Variants in TNNI3K observed in about 807,000 individuals in gnomAD.
TNNI3K encodes TNNI3 interacting kinase, also known as serine/threonine-protein kinase TNNI3K.
A neutral mutation model predicts 114.5 loss-of-function variants in TNNI3K; 140 were observed. The observed-to-expected ratio is 1.22, with a 90% CI of 1.07 to 1.41. The LOEUF (loss-of-function observed/expected upper bound fraction) is 1.41. Ranked by LOEUF, TNNI3K falls within the 40% of genes most tolerant of loss-of-function variation. TNNI3K has a pLI of 0.00. For synonymous variants in TNNI3K, 347 were observed against 347.5 expected (o/e 1.00, Z 0.02); for missense variants, 1,125 against 1,007.6 (o/e 1.12, Z -1.58).
chr1:74,441,459 G>T (rs902580705), intron 20 of TNNI3K, among the ~76,000 whole-genome samples: 3 of 152,058 alleles, frequency 2.0e-5, no homozygotes, highest in Non-Finnish European at 4.4e-5. Flanking sequence ...TCATTTTAGG[G>T]CTATTAAGAA....
At chr1:74,466,659 T>C (rs1442047855) in intron 21 of TNNI3K, among the ~76,000 whole-genome samples, 2 of 152,204 alleles carry the variant, frequency 1.3e-5, no homozygotes, top group Admixed American at 6.5e-5. Flanking sequence ...TGAGCCTGAC[T>C]TGGCTCTGGT....
chr1:74,450,355 C>G (rs1666930656), intron 20 of TNNI3K, among the ~76,000 whole-genome samples: 1 of 151,634 alleles, frequency 6.6e-6, no homozygotes, highest in Admixed American at 6.6e-5. Context: ...ACTAGAAAAG[C>G]AAGAGCAAAC....
At chr1:74,365,106 CA>C (rs1462512204) in intron 11 of TNNI3K, among the ~76,000 whole-genome samples, 1 of 152,006 alleles carries the variant, frequency 6.6e-6, no homozygotes, top group African/African-American at 2.4e-5. Context: ...AAAGCAGTGA[CA>C]AGACCCAAAA....
At chr1:74,241,412 C>A (rs989986126) in intron 2 of TNNI3K, among the ~76,000 whole-genome samples, 1 of 152,170 alleles carries the variant, frequency 6.6e-6, no homozygotes, top group African/African-American at 2.4e-5. Context: ...TAAAAGTGTT[C>A]CTATTTCTTC....
intron 4 of TNNI3K, among the ~76,000 whole-genome samples, chr1:74,257,231 A>T (rs976870333): frequency 6.6e-6 from 1 of 152,140 alleles, no homozygotes; most frequent in African/African-American, 2.4e-5. Flanking sequence ...TTATTTATTA[A>T]GATTAATTAA....
chr1:74,292,843 G>T (rs1657764573), intron 5 of TNNI3K, among the ~76,000 whole-genome samples: 1 of 151,370 alleles, frequency 6.6e-6, no homozygotes, highest in South Asian at 2.1e-4. Flanking sequence ...ATAAGGTTTT[G>T]CCTAATATAT....
intron 23 of TNNI3K, among the ~76,000 whole-genome samples, chr1:74,533,174 AG>A (rs1296632543): frequency 3.3e-5 from 5 of 152,232 alleles, no homozygotes; most frequent in Non-Finnish European, 7.3e-5. Context: ...CATCTGACAA[AG>A]GGCTAATATC....
chr1:74,327,294 G>T (rs1212642784), intron 5 of TNNI3K, among the ~76,000 whole-genome samples: 1 of 150,422 alleles, frequency 6.6e-6, no homozygotes, highest in Non-Finnish European at 1.5e-5. Flanking sequence ...CTTAATGGGA[G>T]ACAATTTATA....
chr1:74,465,376 C>T (rs897343842), intron 21 of TNNI3K, among the ~76,000 whole-genome samples: 3 of 152,082 alleles, frequency 2.0e-5, no homozygotes, highest in Non-Finnish European at 4.4e-5. Flanking sequence ...GGGCGCCACT[C>T]CAGGCACTGA....
At chr1:74,397,333 AAG>A (rs980802163) in intron 17 of TNNI3K, among the ~76,000 whole-genome samples, 27 of 152,066 alleles carry the variant, frequency 1.8e-4, no homozygotes, top group African/African-American at 6.5e-4. Context: ...AAGAAAGAGA[AAG>A]AGAGAGAATG....
chr1:74,512,971 G>C (rs1281001809), intron 23 of TNNI3K, among the ~76,000 whole-genome samples: 1 of 152,142 alleles, frequency 6.6e-6, no homozygotes, highest in Non-Finnish European at 1.5e-5. Context: ...AACTATAGAC[G>C]ACTTTTGCCC....
intron 21 of TNNI3K, chr1:74,464,556 T>A: frequency 6.9e-7 from 1 of 1,448,798 alleles, no homozygotes; most frequent in Non-Finnish European, 9.1e-7. Flanking sequence ...TCAGGAAATA[T>A]CTCACTCAGG....
chr1:74,421,966 T>G (rs1471047660), intron 17 of TNNI3K, among the ~76,000 whole-genome samples: 1 of 109,904 alleles, frequency 9.1e-6, no homozygotes, highest in Admixed American at 8.0e-5. Context: ...ATTATTATTA[T>G]TATTATTATT....
intron 23 of TNNI3K, among the ~76,000 whole-genome samples, chr1:74,530,129 G>A (rs572305099): frequency 2.1e-4 from 32 of 152,204 alleles, no homozygotes; most frequent in Non-Finnish European, 4.1e-4. Context: ...TGTGCCAGCC[G>A]TTAGGTGTCT....
At chr1:74,264,131 G>A (rs1284371655) in intron 4 of TNNI3K, among the ~76,000 whole-genome samples, 1 of 151,532 alleles carries the variant, frequency 6.6e-6, no homozygotes, top group Admixed American at 6.6e-5. Flanking sequence ...CAAGGGTACA[G>A]ATAATCTAAG....
chr1:74,544,037 T>G lies in TNNI3K; in HGVS notation c.*55T>G, dbSNP rs1646759624. ...TTTTCCCCGAACTGACAGCAACGAT[T>G]CCAACCACGGCAAGCTGGCTTCCAA... On this transcript the variant is annotated 3_prime_UTR_variant, in exon 25 of 25. Transcript: ENST00000326637. The G allele has an allele frequency of 6.3e-7, 1 of 1,578,210 alleles. No individual in the cohort carries two copies.
intron 9 of TNNI3K, among the ~76,000 whole-genome samples, chr1:74,351,871 A>G (rs956394971): frequency 2.0e-5 from 3 of 150,864 alleles, no homozygotes; most frequent in Admixed American, 1.3e-4. Context: ...CATTTGTCTA[A>G]TTTTTTTTTC....
At chr1:74,277,028 T>A (rs544188830) in intron 5 of TNNI3K, among the ~76,000 whole-genome samples, 1 of 152,162 alleles carries the variant, frequency 6.6e-6, no homozygotes, top group South Asian at 2.1e-4. Flanking sequence ...AGGCCTAAGA[T>A]CCTGTCAGCA....
At chr1:74,450,538 G>GA (rs1450005203) in intron 20 of TNNI3K, among the ~76,000 whole-genome samples, 1 of 151,662 alleles carries the variant, frequency 6.6e-6, no homozygotes, top group African/African-American at 2.4e-5. Flanking sequence ...ATCTACAATG[G>GA]ACTTAAACAA....
Sources: gnomAD v4.1 joint callset for allele counts (sites outside exome capture counted in the v4.1 genomes callset) on GRCh38, gnomAD v4.1.1 for gene constraint, MANE v1.5 for transcripts, NCBI Gene and HGNC (gene_info 2026-07-23, HGNC 2026-07-21) for gene names.